Variants in NRTN observed in about 807,000 individuals in gnomAD.
The protein encoded by NRTN is neurturin.
A neutral mutation model predicts 7.5 loss-of-function variants in NRTN; 3 were observed. The ratio of observed to expected loss-of-function variants is 0.40; its 90% CI spans 0.18 to 1.03. The LOEUF (loss-of-function observed/expected upper bound fraction) is 1.03. Among genes scored for constraint, NRTN ranks in the 50% least tolerant of loss-of-function variants. NRTN has a pLI of 0.34. For missense variants in NRTN, 310 were observed against 307.0 expected, an observed-to-expected ratio of 1.01 and a Z score of -0.07; for synonymous variants, 157 against 146.6, an observed-to-expected ratio of 1.07 and a Z score of -0.51.
intron 1 of NRTN, among the ~76,000 whole-genome samples, chr19:5,817,455 AAGAG>A (rs201501685): frequency 1.4e-5 from 1 of 71,058 alleles, no homozygotes; most frequent in Non-Finnish European, 2.8e-5. Flanking sequence ...AAGGAAGGGA[AAGAG>A]AGAAAGAGAG....
chr19:5,805,288 C>T lies in NRTN; in HGVS notation c.-562C>T, dbSNP rs1384492867. Among the ~76,000 whole-genome samples, 1 of 146,018 alleles carries T rather than the reference C, an allele frequency of 6.8e-6. No homozygotes were observed. Among genetic ancestry groups the T allele is most frequent in the Non-Finnish European group, 1.5e-5 (1 of 65,716 alleles). On this transcript the variant is annotated 5_prime_UTR_variant, in exon 1 of 3. Coordinates refer to ENST00000303212, the MANE Select transcript of NRTN (RefSeq NM_004558.5). ...CCGCGGCTAAGCGAGCCCGGGGGGCCCCATGGGCCGGCCCGCGCCGCACCC... is the reference window on the plus strand; with the variant it reads ...CCGCGGCTAAGCGAGCCCGGGGGGCTCCATGGGCCGGCCCGCGCCGCACCC...
intron 1 of NRTN, among the ~76,000 whole-genome samples, chr19:5,811,278 A>G (rs1238312545): frequency 2.0e-5 from 3 of 152,162 alleles, no homozygotes; most frequent in Admixed American, 2.0e-4. Context: ...ATAATAAAAG[A>G]AAAAAGAATA....
At chr19:5,820,573 A>AAG (rs2057020708) in intron 1 of NRTN, among the ~76,000 whole-genome samples, 1 of 148,512 alleles carries the variant, frequency 6.7e-6, no homozygotes, top group South Asian at 2.2e-4. Context: ...TCAAAAAAAA[A>AAG]AAAAAATTAC....
At chr19:5,816,045 G>GAGTTTCACCAGT in intron 1 of NRTN, among the ~76,000 whole-genome samples, 4 of 151,764 alleles carry the variant, frequency 2.6e-5, no homozygotes, top group African/African-American at 9.7e-5. Flanking sequence ...GTGCCTGGCC[G>GAGTTTCACCAGT]ATGGTGTCTT....
At chr19:5,823,105 GGAAA>G (rs200288421) in intron 1 of NRTN, among the ~76,000 whole-genome samples, 22 of 99,326 alleles carry the variant, frequency 2.2e-4, no homozygotes, top group South Asian at 1.8e-3. Context: ...GAAAGAAAAA[GGAAA>G]GAAAGAAAGA....
chr19:5,820,362 C>T (rs1247665054), intron 1 of NRTN, among the ~76,000 whole-genome samples: 1 of 148,126 alleles, frequency 6.8e-6, no homozygotes, highest in Non-Finnish European at 1.5e-5. Flanking sequence ...GTGAGGAGAT[C>T]AAGACCATCC....
chr19:5,813,972 C>T (rs533128435), intron 1 of NRTN, among the ~76,000 whole-genome samples: 125 of 152,016 alleles, frequency 8.2e-4, no homozygotes, highest in Non-Finnish European at 1.4e-3. Flanking sequence ...AACACCATTG[C>T]GCTCCAGCCT....
rs1198798034 is a variant in NRTN at position 5,805,307 on chromosome 19, C to A, written c.-543C>A. 6.8e-6 allele frequency among the ~76,000 whole-genome samples: 1 copy of A among 146,034 alleles called. No homozygotes were observed. Among genetic ancestry groups the A allele is most frequent in the Non-Finnish European group, 1.5e-5 (1 of 65,702 alleles). ...GGGGGCCCCATGGGCCGGCCCGCGC[C>A]GCACCCCGCCCGCGGCCGCCCCCTC... On this transcript the variant is annotated 5_prime_UTR_variant, in exon 1 of 3. Coordinates refer to ENST00000303212, the MANE Select transcript of NRTN (RefSeq NM_004558.5).
At chr19:5,826,060 G>A (rs1265878875) in intron 2 of NRTN, among the ~76,000 whole-genome samples, 4 of 152,036 alleles carry the variant, frequency 2.6e-5, no homozygotes, top group Admixed American at 6.6e-5. Flanking sequence ...GCGTGAACCC[G>A]GGAGGCGGAG....
At chr19:5,809,226 A>G (rs2056982894) in intron 1 of NRTN, among the ~76,000 whole-genome samples, 2 of 147,654 alleles carry the variant, frequency 1.4e-5, no homozygotes, top group East Asian at 4.0e-4. Flanking sequence ...ACTAGAGTGC[A>G]GTGGCGCAAT....
Position 5,824,051 on chromosome 19 carries a change from A to T in NRTN, c.-115A>T. 7.7e-7 allele frequency: 1 copy of T among 1,301,024 alleles called. No homozygotes were observed. The highest frequency in any genetic ancestry group is 1.1e-6 in the Non-Finnish European group (1 of 916,072). 80.6% of individuals were successfully genotyped at this position (1,301,024 alleles called of 1,614,324 possible). A position where few individuals can be genotyped will look rare whatever the true frequency, so the allele number is the denominator to read the frequency against. ...CCCATGTGATTATCGACCATTCGGC[A>T]GGCGTTCAAAGTCAAAGGCCCCACA... On this transcript the variant is annotated 5_prime_UTR_variant, in exon 2 of 3. Transcript: ENST00000303212.
chr19:5,824,157 A>G lies in NRTN; in HGVS notation c.-9A>G, dbSNP rs2057036427. On this transcript the variant is annotated 5_prime_UTR_variant, in exon 2 of 3. Coordinates refer to ENST00000303212, the MANE Select transcript of NRTN (RefSeq NM_004558.5). Reference sequence around the variant, plus strand: ...GTGCGGCTGACCATCCCGTGCCCGCAGGCTGAGGATGCAGCGCTGGAAGGC... The same window carrying G: ...GTGCGGCTGACCATCCCGTGCCCGCGGGCTGAGGATGCAGCGCTGGAAGGC... 1.3e-5 allele frequency: 21 copies of G among 1,605,858 alleles called. No homozygotes were observed. Among genetic ancestry groups the G allele is most frequent in the Non-Finnish European group, 1.8e-5 (21 of 1,179,838 alleles).
Position 5,828,299 on chromosome 19 carries a change from T to G in NRTN, c.*126T>G. 2.8e-6 allele frequency: 3 copies of G among 1,073,980 alleles called. No individual in the cohort carries two copies. The highest frequency in any genetic ancestry group is 2.6e-6 in the Non-Finnish European group (2 of 779,154). 66.5% of individuals were successfully genotyped at this position (1,073,980 alleles called of 1,614,324 possible). On this transcript the variant is annotated 3_prime_UTR_variant, in exon 3 of 3. Transcript: ENST00000303212. ...GGCCCCGGGACTCTCGCGATAACTG[T>G]ACTGAGATAAAGTGTGGCAACTCGA... is the stretch of plus-strand genomic sequence containing the variant.
chr19:5,820,265 C>CAAAAA (rs61584587), intron 1 of NRTN, among the ~76,000 whole-genome samples: 2 of 84,540 alleles, frequency 2.4e-5, no homozygotes, highest in East Asian at 3.9e-4. Context: ...GACTCCGTCT[C>CAAAAA]AAAAAAAAAA....
chr19:5,815,906 G>T (rs939552461), intron 1 of NRTN, among the ~76,000 whole-genome samples: 1 of 151,290 alleles, frequency 6.6e-6, no homozygotes, highest in Non-Finnish European at 1.5e-5. Context: ...CACCGTGCCT[G>T]GCTAATTTTT....
At chr19:5,827,086 A>G (rs1379868) in intron 2 of NRTN, among the ~76,000 whole-genome samples, 30,329 of 151,864 alleles carry the variant, frequency 0.2, 3,245 homozygotes, top group Middle Eastern at 0.25. Flanking sequence ...ATTCTGAGAA[A>G]CCCAAACACC....
intron 1 of NRTN, among the ~76,000 whole-genome samples, chr19:5,816,891 G>T (rs1044823449): frequency 1.3e-4 from 20 of 152,334 alleles, no homozygotes; most frequent in African/African-American, 4.1e-4. Context: ...CTGTGAAAAC[G>T]CCCTAGCATG....
At chr19:5,819,400 G>A (rs1028557298) in intron 1 of NRTN, among the ~76,000 whole-genome samples, 8 of 152,194 alleles carry the variant, frequency 5.3e-5, no homozygotes, top group Admixed American at 2.0e-4. Flanking sequence ...GGTGGCTCAC[G>A]CCTGTAATCC....
At chr19:5,827,404 T>C (rs2057050528) in intron 2 of NRTN, among the ~76,000 whole-genome samples, 1 of 151,690 alleles carries the variant, frequency 6.6e-6, no homozygotes, top group African/African-American at 2.4e-5. Context: ...GGAGGTGAGT[T>C]AGAGACCCCG....
Sources: gnomAD v4.1 joint callset for allele counts (sites outside exome capture counted in the v4.1 genomes callset) on GRCh38, gnomAD v4.1.1 for gene constraint, MANE v1.5 for transcripts, NCBI Gene and HGNC (gene_info 2026-07-23, HGNC 2026-07-21) for gene names.